Variants in NUP62 observed in about 807,000 individuals in gnomAD.
NUP62 encodes the protein nuclear pore glycoprotein p62.
For missense variants in NUP62, 647 were observed against 689.4 expected, an observed-to-expected ratio of 0.94 and a Z score of 0.69; for synonymous variants, 305 against 303.4, an observed-to-expected ratio of 1.01 and a Z score of -0.05.
At position 49,923,717 on chromosome 19, in the gene NUP62, G is replaced by A. The variant is rs1364388274; in HGVS notation, c.-78+3977C>T. 2.0e-5 allele frequency among the ~76,000 whole-genome samples: 3 copies of A among 152,382 alleles called. No individual in the cohort carries two copies. The East Asian group carries it at 5.8e-4, about 29-fold the overall frequency. On this transcript the variant is annotated intron_variant, in intron 2 of 2. Coordinates refer to ENST00000352066, the MANE Select transcript of NUP62 (RefSeq NM_016553.5). ...CATTTAATCCTCAAAACCACCGTCT[G>A]CAATGGACCATCTCATCCCCATTTT...
chr19:49,928,401 C>T (rs1042120821), intron 1 of NUP62: 1 of 152,136 alleles, frequency 6.6e-6, no homozygotes, highest in Admixed American at 6.5e-5. Flanking sequence ...CCTGTAGTCC[C>T]AGCTACTCGG....
chr19:49,914,026 T>A (rs4801811), intron 2 of NUP62, among the ~76,000 whole-genome samples: 18,605 of 151,952 alleles, frequency 0.12, 1,435 homozygotes, highest in East Asian at 0.38. Flanking sequence ...AGTGTTAAAT[T>A]TGCACCAAAA....
In NUP62 at chr19:49,908,710, G is replaced by C. The variant is rs564436380; in HGVS notation, c.1098C>G (p.Ile366Met). 4.3e-5 allele frequency: 69 copies of C among 1,612,516 alleles called. No homozygotes were observed. The highest frequency in any genetic ancestry group is 1.8e-4 in the Admixed American group (11 of 60,004). Reference protein sequence around the residue: ...TQVNAWDRTLIENGEKITSLH... With the variant: ...TQVNAWDRTLMENGEKITSLH... ...GGCTGGTGATCTTTTCTCCATTCTC[G>C]ATCAGCGTGCGGTCCCAGGCGTTGA... Residue 366 changes from isoleucine to methionine, a missense_variant, in exon 3 of 3, where the codon ATC becomes ATG. Transcript: ENST00000352066.
At chr19:49,915,265 A>G (rs2075595080) in intron 2 of NUP62, among the ~76,000 whole-genome samples, 1 of 152,126 alleles carries the variant, frequency 6.6e-6, no homozygotes, top group Non-Finnish European at 1.5e-5. Flanking sequence ...GATGAAGATA[A>G]AGAGGTTACC....
At chr19:49,912,331 G>A (rs554733154) in intron 2 of NUP62, among the ~76,000 whole-genome samples, 97 of 152,076 alleles carry the variant, frequency 6.4e-4, no homozygotes, top group Non-Finnish European at 1.3e-3. Flanking sequence ...ACCACGCCCG[G>A]CTAATTTTTG....
chr19:49,918,791 C>T (rs577484217), intron 2 of NUP62, among the ~76,000 whole-genome samples: 20 of 151,896 alleles, frequency 1.3e-4, no homozygotes, highest in African/African-American at 4.1e-4. Flanking sequence ...CCCAGGAGGC[C>T]GCACCACCCT....
chr19:49,914,743 T>TTTG (rs2075580302), intron 2 of NUP62, among the ~76,000 whole-genome samples: 1 of 129,408 alleles, frequency 7.7e-6, no homozygotes, highest in Non-Finnish European at 1.7e-5. Context: ...TTTTTTTTTT[T>TTTG]TTTTTTTTTT....
At chr19:49,925,129 C>T (rs1283236858) in intron 2 of NUP62, among the ~76,000 whole-genome samples, 1 of 151,928 alleles carries the variant, frequency 6.6e-6, no homozygotes, top group Admixed American at 6.6e-5. Context: ...TGTGTGGTGA[C>T]ACATGCCTGT....
intron 2 of NUP62, among the ~76,000 whole-genome samples, chr19:49,925,295 CAAAAA>C (rs2075859958): frequency 6.6e-6 from 1 of 151,590 alleles, no homozygotes; most frequent in Admixed American, 6.6e-5. Context: ...CAAAACAAAA[CAAAAA>C]ACCCAGGCCG....
In NUP62 at chr19:49,909,013, G is replaced by T; in HGVS notation, c.795C>A (p.Ser265=). 6.2e-7 allele frequency: 1 copy of T among 1,612,638 alleles called. No individual in the cohort carries two copies. ...GFSLKAPGAA[S]GTSTTTSTAA... Reference sequence around the variant, plus strand: ...CGGTGGATGTTGTTGTGGAGGTGCCGGAAGCTGCTCCAGGTGCCTTTAAGC... The same window carrying T: ...CGGTGGATGTTGTTGTGGAGGTGCCTGAAGCTGCTCCAGGTGCCTTTAAGC... The change falls in exon 3 of 3, where the codon TCC becomes TCA. Residue 265 remains serine (S), a synonymous_variant. Transcript: ENST00000352066.
chr19:49,917,151 G>A (rs2075646165), intron 2 of NUP62, among the ~76,000 whole-genome samples: 1 of 152,238 alleles, frequency 6.6e-6, no homozygotes, highest in African/African-American at 2.4e-5. Context: ...AGCAGAGAGT[G>A]AGGGAGTGGA....
intron 2 of NUP62, among the ~76,000 whole-genome samples, chr19:49,927,261 C>A (rs1223659045): frequency 6.6e-6 from 1 of 152,088 alleles, no homozygotes; most frequent in Non-Finnish European, 1.5e-5. Flanking sequence ...GGGGTGCAGT[C>A]AAGTTTTGAA....
At chr19:49,926,239 TTGC>T (rs2075885536) in intron 2 of NUP62, among the ~76,000 whole-genome samples, 1 of 135,040 alleles carries the variant, frequency 7.4e-6, no homozygotes, top group Non-Finnish European at 1.6e-5. Flanking sequence ...AAGCTAGGTC[TTGC>T]TTAAGACTGG....
intron 2 of NUP62, among the ~76,000 whole-genome samples, chr19:49,913,630 G>A (rs1021320413): frequency 4.6e-5 from 7 of 152,344 alleles, no homozygotes; most frequent in East Asian, 1.9e-4. Context: ...CTGGAAGCTC[G>A]TGCCTGGTCT....
intron 2 of NUP62, among the ~76,000 whole-genome samples, chr19:49,920,688 G>A (rs1169264875): frequency 1.3e-5 from 2 of 152,214 alleles, no homozygotes; most frequent in African/African-American, 4.8e-5. Context: ...CCTTGGGGTG[G>A]CCGGTAATGC....
intron 2 of NUP62, among the ~76,000 whole-genome samples, chr19:49,920,709 C>T (rs943384528): frequency 6.6e-6 from 1 of 152,214 alleles, no homozygotes; most frequent in East Asian, 1.9e-4. Flanking sequence ...TGGTTGAGAA[C>T]AGGCTGGGGA....
At chr19:49,928,394 G>A (rs542986919) in intron 1 of NUP62, 2 of 152,218 alleles carry the variant, frequency 1.3e-5, no homozygotes, top group Admixed American at 1.3e-4. Flanking sequence ...GCGGGCGCCT[G>A]TAGTCCCAGC....
At position 49,908,544 on chromosome 19, in the gene NUP62, A is replaced by T; in HGVS notation, c.1264T>A (p.Tyr422Asn). The T allele has an allele frequency of 6.2e-7, 1 of 1,614,134 alleles. No individual in the cohort carries two copies. The highest frequency in any genetic ancestry group is 1.7e-5 in the Admixed American group (1 of 60,018). Residue 422 changes from tyrosine to asparagine, a missense_variant, in exon 3 of 3, where the codon TAC becomes AAC. Tyr to Asn is a moderately radical substitution (Grantham distance 143). Coordinates refer to ENST00000352066, the MANE Select transcript of NUP62 (RefSeq NM_016553.5). ...CGCTCCTCATCCGCGTGCTGCAGGT[A>T]GATGGTCCCGCTCTGCTCCTTGACC... ...ELVKEQSGTI[Y>N]LQHADEEREK... is the part of the protein sequence containing the mutation.
At chr19:49,913,455 CACG>C (rs2075534088) in intron 2 of NUP62, among the ~76,000 whole-genome samples, 1 of 152,202 alleles carries the variant, frequency 6.6e-6, no homozygotes, top group Non-Finnish European at 1.5e-5. Context: ...ACAGTATCAG[CACG>C]ACCTCTGGAG....
Sources: gnomAD v4.1 joint callset for allele counts (sites outside exome capture counted in the v4.1 genomes callset) on GRCh38, gnomAD v4.1.1 for gene constraint, MANE v1.5 for transcripts, NCBI Gene and HGNC (gene_info 2026-07-23, HGNC 2026-07-21) for gene names.